ASIC2: variants seen among roughly 807,000 people sequenced by gnomAD.
ASIC2 encodes acid sensing ion channel subunit 2, also known as acid-sensing ion channel 2.
A neutral mutation model predicts 57.3 loss-of-function variants in ASIC2; 25 were observed. The observed-to-expected ratio is 0.44, with a 90% CI of 0.32 to 0.61. The LOEUF is 0.61. Among genes scored for constraint, ASIC2 ranks in the 20% least tolerant of loss-of-function variants. ASIC2 has a pLI of 0.06. For synonymous variants in ASIC2, 319 were observed against 307.5 expected (o/e 1.04, Z -0.39); for missense variants, 641 against 738.1 (o/e 0.87, Z 1.52).
Position 33,649,430 on chromosome 17 carries a change from A to T in ASIC2, c.555+506548T>A, listed in dbSNP as rs2142038299. On this transcript the variant is annotated intron_variant, in intron 1 of 9. Transcript: ENST00000359872. ...ATGGAGAGACATACCATGTTCACGG[A>T]TTGAAAAACTCGACATATCAACTCT... Among the ~76,000 whole-genome samples the T allele has an allele frequency of 1.3e-5, 2 of 152,350 alleles. 1 individual carries two copies. The highest frequency in any genetic ancestry group is 4.1e-4 in the South Asian group (2 of 4,826).
rs1487950222 is a variant in ASIC2, at chr17:34,132,565, G to C, written c.555+23413C>G. Among the ~76,000 whole-genome samples the C allele has an allele frequency of 2.0e-5, 3 of 151,940 alleles. No individual in the cohort carries two copies. The East Asian group carries it at 5.8e-4, about 29-fold the overall frequency. ...TGATTGGTGCGTTTTACAGAGCACTGATTGGTGCATTTTACAGAGTGCTGA... is the reference window on the plus strand; with the variant it reads ...TGATTGGTGCGTTTTACAGAGCACTCATTGGTGCATTTTACAGAGTGCTGA... On this transcript the variant is annotated intron_variant, in intron 1 of 9. Coordinates refer to the ASIC2 transcript ENST00000359872.
intron 1 of ASIC2, among the ~76,000 whole-genome samples, chr17:33,752,605 A>T (rs1910468862): frequency 6.6e-6 from 1 of 152,226 alleles, no homozygotes. Context: ...TGACTCTTTC[A>T]TGTCTTTTGG....
At chr17:33,877,209 G>A (rs998348356) in intron 1 of ASIC2, among the ~76,000 whole-genome samples, 8 of 152,358 alleles carry the variant, frequency 5.3e-5, no homozygotes, top group African/African-American at 1.9e-4. Flanking sequence ...GAAGATGGGT[G>A]ATTTCTGCAT....
rs553598777 is a variant in ASIC2, at chr17:34,106,744, A to G, written c.555+49234T>C. On this transcript the variant is annotated intron_variant, in intron 1 of 9. Transcript: ENST00000359872. Reference sequence around the variant, plus strand: ...AAGCTAGTTCCTGTGTCCCTGTGACATCCTCCCACCATGTTTTAAAGCACT... The same window carrying G: ...AAGCTAGTTCCTGTGTCCCTGTGACGTCCTCCCACCATGTTTTAAAGCACT... Among the ~76,000 whole-genome samples, 3 of 152,316 alleles carry G rather than the reference A, an allele frequency of 2.0e-5. No homozygotes were observed. The South Asian group carries it at 6.2e-4, about 32-fold the overall frequency.
At chr17:33,160,252 G>A (rs1905126742) in intron 1 of ASIC2, among the ~76,000 whole-genome samples, 1 of 143,818 alleles carries the variant, frequency 7.0e-6, no homozygotes, top group Non-Finnish European at 1.6e-5. Flanking sequence ...AATGCTCAGT[G>A]AATAATGATT....
At chr17:33,838,218 A>G (rs1265314811) in intron 1 of ASIC2, among the ~76,000 whole-genome samples, 1 of 152,146 alleles carries the variant, frequency 6.6e-6, no homozygotes, top group Non-Finnish European at 1.5e-5. Context: ...TTCATAAATG[A>G]CTTTTGAATT....
At chr17:33,956,001 G>T (rs1044034076) in intron 1 of ASIC2, among the ~76,000 whole-genome samples, 1 of 152,070 alleles carries the variant, frequency 6.6e-6, no homozygotes, top group Non-Finnish European at 1.5e-5. Flanking sequence ...CAAGCTGAGG[G>T]CCCATCATTA....
chr17:33,578,675 CCCT>C (rs1349131258), intron 1 of ASIC2, among the ~76,000 whole-genome samples: 1 of 152,074 alleles, frequency 6.6e-6, no homozygotes, highest in Non-Finnish European at 1.5e-5. Flanking sequence ...CTTCACTCCC[CCCT>C]CCTCTTCCCT....
intron 1 of ASIC2, among the ~76,000 whole-genome samples, chr17:33,351,270 C>T (rs1397449071): frequency 2.6e-5 from 4 of 152,030 alleles, no homozygotes; most frequent in Admixed American, 6.6e-5. Context: ...TCCAAAGGCC[C>T]CCTTTCTGTT....
At chr17:33,803,591 T>TC (rs201218635) in intron 1 of ASIC2, among the ~76,000 whole-genome samples, 53 of 149,714 alleles carry the variant, frequency 3.5e-4, no homozygotes, top group Non-Finnish European at 4.8e-4. Flanking sequence ...CTTTTCTTTT[T>TC]TTTTTTTTTT....
intron 1 of ASIC2, among the ~76,000 whole-genome samples, chr17:34,083,205 A>T (rs531087521): frequency 5.5e-5 from 7 of 127,664 alleles, no homozygotes; most frequent in African/African-American, 2.1e-4. Flanking sequence ...CCAGAGTGTG[A>T]TGTTGCCCTT....
At chr17:33,961,868 C>T (rs1393157580) in intron 1 of ASIC2, among the ~76,000 whole-genome samples, 1 of 152,192 alleles carries the variant, frequency 6.6e-6, no homozygotes, top group African/African-American at 2.4e-5. Context: ...CTCCACTTTC[C>T]AAACTGTAGC....
intron 1 of ASIC2, among the ~76,000 whole-genome samples, chr17:33,874,130 G>A (rs997235658): frequency 6.6e-6 from 1 of 152,114 alleles, no homozygotes; most frequent in Non-Finnish European, 1.5e-5. Flanking sequence ...CCTAGGATTC[G>A]GTAGAAGTGA....
intron 1 of ASIC2, among the ~76,000 whole-genome samples, chr17:33,686,320 A>G (rs1448628151): frequency 2.0e-5 from 3 of 152,150 alleles, no homozygotes; most frequent in South Asian, 2.1e-4. Context: ...TGGAGAACCT[A>G]TAGGAGGAGT....
intron 1 of ASIC2, among the ~76,000 whole-genome samples, chr17:33,652,602 T>A (rs1906954096): frequency 6.6e-6 from 1 of 152,192 alleles, no homozygotes; most frequent in African/African-American, 2.4e-5. Context: ...ATGCTTTTAA[T>A]CACAACTGTA....
chr17:33,423,876 G>A (rs4572456), intron 1 of ASIC2, among the ~76,000 whole-genome samples: 68,403 of 152,104 alleles, frequency 0.45, 16,126 homozygotes, highest in East Asian at 0.76. Context: ...CAGCAAGAAG[G>A]TTCAGGATGC....
intron 1 of ASIC2, among the ~76,000 whole-genome samples, chr17:33,227,354 T>C (rs1041012706): frequency 3.3e-5 from 5 of 152,208 alleles, no homozygotes; most frequent in African/African-American, 9.6e-5. Flanking sequence ...TATGGAGACA[T>C]TCCCAGGCCC....
At chr17:33,170,036 C>A (rs548115508) in intron 1 of ASIC2, among the ~76,000 whole-genome samples, 10 of 152,278 alleles carry the variant, frequency 6.6e-5, no homozygotes, top group African/African-American at 2.4e-4. Flanking sequence ...GGAGAGAGAG[C>A]TTTCTGGAAG....
intron 1 of ASIC2, among the ~76,000 whole-genome samples, chr17:33,202,972 G>A (rs1157291225): frequency 1.3e-5 from 2 of 152,200 alleles, no homozygotes; most frequent in African/African-American, 2.4e-5. Context: ...TGCTCACACA[G>A]CACTTCAAAC....
Sources: gnomAD v4.1 joint callset for allele counts (sites outside exome capture counted in the v4.1 genomes callset) on GRCh38, gnomAD v4.1.1 for gene constraint, MANE v1.5 for transcripts, NCBI Gene and HGNC (gene_info 2026-07-23, HGNC 2026-07-21) for gene names.